BNIPL: variants seen among roughly 807,000 people sequenced by gnomAD.
BNIPL encodes the protein bcl-2/adenovirus E1B 19 kDa-interacting protein 2-like protein.
Under a neutral mutation model 47.0 loss-of-function variants are expected in BNIPL, and 33 were observed. The ratio of observed to expected loss-of-function variants is 0.70; its 90% CI spans 0.53 to 0.94. The LOEUF is 0.94. Ranked by LOEUF, BNIPL falls within the 40% of genes least tolerant of loss-of-function variation. BNIPL has a pLI of 0.00. For missense variants in BNIPL, 404 were observed against 445.2 expected, an observed-to-expected ratio of 0.91 and a Z score of 0.83; for synonymous variants, 145 against 162.7, an observed-to-expected ratio of 0.89 and a Z score of 0.83.
In BNIPL at chr1:151,043,079, G is replaced by A. The variant is rs749200773; in HGVS notation, c.557G>A (p.Arg186Gln). The A allele has an allele frequency of 6.8e-6, 11 of 1,611,842 alleles. No individual in the cohort carries two copies. The highest frequency in any genetic ancestry group is 1.7e-5 in the Admixed American group (1 of 59,162). Residue 186 changes from arginine (R) to glutamine (Q), a missense_variant, in exon 5 of 10, where the codon CGG becomes CAG. Physicochemically the swap from Arg to Gln is conservative, Grantham distance 43 (BLOSUM62 1). Coordinates refer to ENST00000368931, the MANE Select transcript of BNIPL (RefSeq NM_138278.4). Reference protein sequence around the residue: ...HHWRVFRMGPREQRVDMTVIE... With the variant: ...HHWRVFRMGPQEQRVDMTVIE... ...TGGAGGGTGTTCCGAATGGGACCAC[G>A]GGAGCAGCGCGTAGACATGACTGTC...
At chr1:151,041,461 T>C (rs1675821688) in intron 4 of BNIPL, among the ~76,000 whole-genome samples, 1 of 152,122 alleles carries the variant, frequency 6.6e-6, no homozygotes, top group South Asian at 2.1e-4. Context: ...TAGCCAGGCA[T>C]GCTGATGTGT....
chr1:151,045,618 T>A, intron 7 of BNIPL, 179 bp from the exon 8 acceptor site: 1 of 1,057,224 alleles, frequency 9.5e-7, no homozygotes, highest in Non-Finnish European at 1.3e-6. Context: ...CATGGAGGGC[T>A]AAATAAGATG....
At chr1:151,041,253 C>A (rs1391339955) in intron 4 of BNIPL, among the ~76,000 whole-genome samples, 1 of 151,884 alleles carries the variant, frequency 6.6e-6, no homozygotes, top group Non-Finnish European at 1.5e-5. Flanking sequence ...TGGAAAAAAA[C>A]AGACTAGAGG....
At position 151,046,081 on chromosome 1, in the gene BNIPL, GA is replaced by G; in HGVS notation, c.958del (p.Ile320SerfsTer47). 4 of 1,613,972 alleles carry G rather than the reference GA, an allele frequency of 2.5e-6. No individual in the cohort carries two copies. The highest frequency in any genetic ancestry group is 3.4e-6 in the Non-Finnish European group (4 of 1,180,008). ...LRPFISSKFT[R>X]KIRFLDSLGE... is the part of the protein sequence containing the mutation. The stretch of plus-strand genomic sequence containing the variant: ...TCTCTTTTCAGTTCCAAATTCACAC[GA>G]AAAATCCGTTTTCTGGACAGCCTGG... On this transcript the variant is annotated frameshift_variant, in exon 9 of 10. Transcript: ENST00000368931. LOFTEE classifies it high-confidence loss of function.
rs1313416956 is a variant in BNIPL at position 151,036,741 on chromosome 1, G to A, written c.16G>A (p.Glu6Lys). The A allele has an allele frequency of 6.2e-7, 1 of 1,611,844 alleles. No homozygotes were observed. The highest frequency in any genetic ancestry group is 1.7e-5 in the Admixed American group (1 of 60,006). MGTIQ[E>K]AGKKTDVGVR... The stretch of plus-strand genomic sequence containing the variant: ...ACTTGTGAAGATGGGAACTATACAA[G>A]AGGCAGGAAAAAAGACAGATGTTGG... The change falls in exon 1 of 10, where the codon GAG becomes AAG. Residue 6 changes from glutamate (E) to lysine (K), a missense_variant. By Grantham distance (56) the Glu-to-Lys change is moderately conservative. Coordinates refer to ENST00000368931, the MANE Select transcript of BNIPL (RefSeq NM_138278.4).
At chr1:151,045,230 C>T (rs1675968652) in intron 7 of BNIPL, among the ~76,000 whole-genome samples, 1 of 129,400 alleles carries the variant, frequency 7.7e-6, no homozygotes, top group Admixed American at 9.0e-5. Flanking sequence ...GATCGAGCCA[C>T]TGACTCCAGC....
rs1269402686 is a variant in BNIPL at position 151,043,113 on chromosome 1, C to A, written c.591C>A (p.Pro197=). ...GCGTAGACATGACTGTCATTGAGCC[C>A]TATAAGAAAGTCCTGTCTCATGGAG... ...EQRVDMTVIE[P]YKKVLSHGGY... The change falls in exon 5 of 10, where the codon CCC becomes CCA. Residue 197 remains proline (P), a synonymous_variant. Coordinates refer to ENST00000368931, the MANE Select transcript of BNIPL (RefSeq NM_138278.4). The A allele has an allele frequency of 1.2e-6, 2 of 1,613,368 alleles. No individual in the cohort carries two copies. The highest frequency in any genetic ancestry group is 2.2e-5 in the South Asian group (2 of 90,962).
At position 151,043,641 on chromosome 1, in the gene BNIPL, G is replaced by T. The variant is rs901805855; in HGVS notation, c.765G>T (p.Leu255=). The T allele has an allele frequency of 6.2e-7, 1 of 1,611,508 alleles. No individual in the cohort carries two copies. Among genetic ancestry groups the T allele is most frequent in the African/African-American group, 1.3e-5 (1 of 74,818 alleles). ...AGCTGCTAGTAGCTGAAAATTACCT[G>T]CTTGTTCATTTGAGTGGAGGCACAA... ...TLELLVAENY[L]LVHLSGGTSR... is the part of the protein sequence containing the mutation. Residue 255 remains leucine, a synonymous_variant, in exon 7 of 10, where the codon CTG becomes CTT. Coordinates refer to ENST00000368931, the MANE Select transcript of BNIPL (RefSeq NM_138278.4).
intron 4 of BNIPL, 133 bp from the exon 5 acceptor site, chr1:151,042,823 G>GAA (rs5777753): frequency 0.028 from 15,300 of 555,874 alleles, 1 homozygote; most frequent in Middle Eastern, 0.039. Flanking sequence ...CAAAAAAAAG[G>GAA]AAAAAAAAAA....
rs767487121 is a variant in BNIPL at position 151,038,587 on chromosome 1, A to G, written c.202+19A>G. 7 of 1,610,356 alleles carry G rather than the reference A, an allele frequency of 4.3e-6. No homozygotes were observed. The highest frequency in any genetic ancestry group is 5.9e-6 in the Non-Finnish European group (7 of 1,176,696). ...CAGGCAGGTAGGTCAAGTAGAAACC[A>G]GGCCTCAAGTTCTTGATTCTAGTCC... On this transcript the variant is annotated intron_variant, in intron 3 of 9. Transcript: ENST00000368931.
At chr1:151,044,853 C>T (rs747851085) in intron 7 of BNIPL, 43 of 1,287,014 alleles carry the variant, frequency 3.3e-5, no homozygotes, top group East Asian at 3.3e-4. Context: ...TTCCTTTTTT[C>T]GTCCTTGCTG....
At chr1:151,045,232 G>A (rs1675968785) in intron 7 of BNIPL, among the ~76,000 whole-genome samples, 1 of 120,142 alleles carries the variant, frequency 8.3e-6, no homozygotes, top group African/African-American at 3.3e-5. Context: ...TCGAGCCACT[G>A]ACTCCAGCCT....
chr1:151,046,286 C>T, intron 9 of BNIPL, 121 bp downstream of exon 9: 1 of 1,442,242 alleles, frequency 6.9e-7, no homozygotes, highest in Non-Finnish European at 9.2e-7. Flanking sequence ...TTTTCGGGTG[C>T]TTTAATGTAT....
rs1268485773 is a variant in BNIPL at position 151,037,455 on chromosome 1, G to A, written c.42-112G>A. On this transcript the variant is annotated intron_variant, in intron 1 of 9. Transcript: ENST00000368931. ...TCTGTATAGGAGGCAAGAGATCTGAGTCCTTTTGAAGGCCTATCCTCTGCT... is the reference window on the plus strand; with the variant it reads ...TCTGTATAGGAGGCAAGAGATCTGAATCCTTTTGAAGGCCTATCCTCTGCT... The A allele has an allele frequency of 3.4e-6, 5 of 1,460,436 alleles. No individual in the cohort carries two copies. In the African/African-American group the frequency reaches 5.7e-5, roughly 17 times the overall value. 90.5% of individuals were successfully genotyped at this position (1,460,436 alleles called of 1,614,324 possible).
Position 151,047,084 on chromosome 1 carries a change from CGAGTAGCT to C in BNIPL, c.*401_*408del, listed in dbSNP as rs587724651. On this transcript the variant is annotated 3_prime_UTR_variant, in exon 10 of 10. Transcript: ENST00000368931. ...AGCCATTCTTCTGCCTCAGCCTCAG[CGAGTAGCT>C]GAGACTACCGGCGCACGCCACCACG... 173 of 158,794 alleles carry C rather than the reference CGAGTAGCT, an allele frequency of 1.1e-3. 1 individual carries two copies. Among genetic ancestry groups the C allele is most frequent in the African/African-American group, 3.8e-3 (157 of 41,696 alleles). The allele number at this position is 158,794 out of a possible 1,614,324, so 9.8% of individuals were successfully genotyped here. A position where few individuals can be genotyped will look rare whatever the true frequency, so the allele number is the denominator to read the frequency against.
intron 1 of BNIPL, 98 bp from the exon 2 acceptor site, chr1:151,037,469 C>T: frequency 6.7e-7 from 1 of 1,491,356 alleles, no homozygotes; most frequent in Non-Finnish European, 9.0e-7. Context: ...TTTTGAAGGC[C>T]TATCCTCTGC....
At position 151,042,976 on chromosome 1, in the gene BNIPL, G is replaced by A; in HGVS notation, c.454G>A (p.Gly152Ser). The A allele has an allele frequency of 6.3e-7, 1 of 1,594,712 alleles. No individual in the cohort carries two copies. Among genetic ancestry groups the A allele is most frequent in the Non-Finnish European group, 8.5e-7 (1 of 1,174,696 alleles). Residue 152 changes from glycine (G) to serine (S), a missense_variant, in exon 5 of 10, where the codon GGT (glycine) becomes AGT (serine). By Grantham distance (56) the Gly-to-Ser change is moderately conservative (BLOSUM62 0). Transcript: ENST00000368931. ...TTTAGATGAACTACCCCGGGCAGAG[G>A]GTCTGGGCACCAGTGAGACAGCTGA... ...EWEDELPRAE[G>S]LGTSETAERL...
rs778814707 is a variant in BNIPL, at chr1:151,045,819, C to T, written c.874C>T (p.Leu292=). 34 of 1,613,980 alleles carry T rather than the reference C, an allele frequency of 2.1e-5. 1 individual carries two copies. The South Asian group carries it at 3.2e-4, about 15-fold the overall frequency. Residue 292 remains leucine (L), a synonymous_variant, in exon 8 of 10, where the codon CTG becomes TTG. Coordinates refer to ENST00000368931, the MANE Select transcript of BNIPL (RefSeq NM_138278.4). ...DRRLRKNLRA[L]VVVHATWYVK... ...CAGGCTACGGAAAAACCTGCGAGCC[C>T]TGGTGGTTGTCCATGCTACATGGTA... is the stretch of plus-strand genomic sequence containing the variant.
intron 4 of BNIPL, among the ~76,000 whole-genome samples, chr1:151,041,606 AAAC>A (rs1004564004): frequency 3.3e-5 from 5 of 152,098 alleles, no homozygotes; most frequent in Non-Finnish European, 7.4e-5. Context: ...CTCTAAAAGA[AAAC>A]AACAACAACA....
Sources: allele counts gnomAD v4.1 joint callset (sites outside exome capture counted in the v4.1 genomes callset), GRCh38; gene constraint gnomAD v4.1.1; transcripts MANE v1.5; gene names NCBI Gene and HGNC (gene_info 2026-07-23, HGNC 2026-07-21).